Variants in GAD2 observed in about 807,000 individuals in gnomAD.
GAD2 encodes glutamate decarboxylase 2.
A neutral mutation model predicts 80.1 loss-of-function variants in GAD2; 22 were observed. That is an observed-to-expected ratio of 0.27 (90% CI 0.20 to 0.39). GAD2 has a LOEUF of 0.39. Ranked by LOEUF, GAD2 falls within the 10% of genes least tolerant of loss-of-function variation. The pLI is 1.00. For missense variants in GAD2, 624 were observed against 738.4 expected (o/e 0.85, Z 1.80); for synonymous variants, 274 against 256.9 (o/e 1.07, Z -0.64).
rs1424053881 is a variant in GAD2, at chr10:26,217,513, C to T, written c.77-97C>T. On this transcript the variant is annotated intron_variant, in intron 1 of 15. Coordinates refer to ENST00000376261, the MANE Select transcript of GAD2 (RefSeq NM_001134366.2). The surrounding 1 kb of genome is among the most constrained non-coding windows in gnomAD (Gnocchi z 4.9). ...AGGAGGAAGGCGGCCCCTCCTAGGA[C>T]CCCGGACTGATTGATTTTCACATAG... 7.5e-7 allele frequency: 1 copy of T among 1,331,356 alleles called. No homozygotes were observed. The highest frequency in any genetic ancestry group is 1.5e-5 in the African/African-American group (1 of 68,682). 82.5% of individuals were successfully genotyped at this position (1,331,356 alleles called of 1,614,324 possible).
intron 7 of GAD2, among the ~76,000 whole-genome samples, chr10:26,237,165 T>A (rs1448939924): frequency 6.6e-6 from 1 of 152,186 alleles, no homozygotes; most frequent in East Asian, 1.9e-4. Context: ...CAAGTGTCCC[T>A]TGTTCTGGGG....
intron 10 of GAD2, among the ~76,000 whole-genome samples, chr10:26,271,112 C>T (rs1845132516): frequency 6.6e-6 from 1 of 152,140 alleles, no homozygotes; most frequent in African/African-American, 2.4e-5. Context: ...CCAGAATGGT[C>T]AGAAGAGTAA....
rs570885137 is a variant in GAD2 at position 26,302,183 on chromosome 10, A to G, written c.*1222A>G. 18 of 151,970 alleles carry G rather than the reference A, an allele frequency of 1.2e-4. No individual in the cohort carries two copies. The highest frequency in any genetic ancestry group is 4.3e-4 in the African/African-American group (18 of 41,450). 9.4% of individuals were successfully genotyped at this position (151,970 alleles called of 1,614,324 possible). On this transcript the variant is annotated 3_prime_UTR_variant, in exon 16 of 16. Coordinates refer to ENST00000376261, the MANE Select transcript of GAD2 (RefSeq NM_001134366.2). ...AGTTGCGCATTTCCATCCCCTCCCC[A>G]TTCCTCCCCACAAAGTCTCTCCCAC...
chr10:26,300,709 C>T lies in GAD2; in HGVS notation c.1585-79C>T, dbSNP rs928198. On this transcript the variant is annotated intron_variant, in intron 15 of 15. Transcript: ENST00000376261. ...TGACTGTTGAGCTAAAAACTAAAGA[C>T]GCTGCTTGCTGTTGGGTTCTTTGAC... The T allele has an allele frequency of 3.1e-3, 4,062 of 1,314,972 alleles. 85 individuals are homozygous for T. In the African/African-American group the frequency reaches 0.047, roughly 15 times the overall value. The allele number at this position is 1,314,972 out of a possible 1,614,324, so 81.5% of individuals were successfully genotyped here. A position where few individuals can be genotyped will look rare whatever the true frequency, so the allele number is the denominator to read the frequency against.
intron 6 of GAD2, among the ~76,000 whole-genome samples, chr10:26,225,895 T>A (rs554131498): frequency 4.5e-4 from 69 of 152,172 alleles, no homozygotes; most frequent in Non-Finnish European, 7.2e-4. Context: ...TAGTTTTCCT[T>A]TGGAAAGCCA....
In GAD2 at chr10:26,235,787, C is replaced by T. The variant is rs140721678; in HGVS notation, c.840+6010C>T. ...TTAGAGGGAAGCTAAGATCCCAGCT[C>T]AATAATTCACATCTCAAGCTCTGAA... On this transcript the variant is annotated intron_variant, in intron 7 of 15. Transcript: ENST00000376261. Among the ~76,000 whole-genome samples the T allele has an allele frequency of 1.7e-4, 26 of 152,304 alleles. 1 individual carries two copies. The highest frequency in any genetic ancestry group is 6.0e-4 in the African/African-American group (25 of 41,572).
intron 6 of GAD2, among the ~76,000 whole-genome samples, chr10:26,228,319 T>C (rs1009846032): frequency 6.6e-6 from 1 of 152,260 alleles, no homozygotes; most frequent in African/African-American, 2.4e-5. Flanking sequence ...GTGGAATCCC[T>C]GACAACTTTT....
At chr10:26,219,771 A>G (rs1246315079) in intron 4 of GAD2, among the ~76,000 whole-genome samples, 3 of 152,220 alleles carry the variant, frequency 2.0e-5, no homozygotes, top group African/African-American at 4.8e-5. Flanking sequence ...ATTGTGTCAA[A>G]TGGCCAACCT....
chr10:26,242,395 C>T (rs1420235915), intron 7 of GAD2, among the ~76,000 whole-genome samples: 2 of 152,154 alleles, frequency 1.3e-5, no homozygotes, highest in Non-Finnish European at 2.9e-5. Flanking sequence ...CACTCTTTTC[C>T]TCTGGTTCAT....
intron 7 of GAD2, among the ~76,000 whole-genome samples, chr10:26,241,476 T>C (rs6482541): frequency 0.071 from 10,834 of 152,056 alleles, 1,267 homozygotes; most frequent in African/African-American, 0.24. Context: ...GCCTATCCCC[T>C]GATCCCAGGC....
At chr10:26,216,462 T>C, upstream of GAD2, 1 of 182,552 alleles carries the variant, frequency 5.5e-6, no homozygotes, top group Non-Finnish European at 1.1e-5. This position sits in a 1 kb window ranked among gnomAD's most constrained non-coding sequence, Gnocchi z 4.7. Flanking sequence ...CGCCGCCCCC[T>C]CATTCATCCC....
intron 8 of GAD2, among the ~76,000 whole-genome samples, chr10:26,252,951 C>T (rs957921427): frequency 7.2e-5 from 11 of 152,160 alleles, no homozygotes; most frequent in African/African-American, 2.7e-4. Context: ...AGCCACCATG[C>T]CTGGCCAACC....
intron 8 of GAD2, among the ~76,000 whole-genome samples, chr10:26,268,802 C>T (rs1293970847): frequency 6.6e-6 from 1 of 152,194 alleles, no homozygotes; most frequent in Non-Finnish European, 1.5e-5. Context: ...AAACATTTTG[C>T]TCCAAATCAG....
At chr10:26,242,741 C>T (rs7074934) in intron 7 of GAD2, among the ~76,000 whole-genome samples, 4,610 of 152,224 alleles carry the variant, frequency 0.03, 260 homozygotes, top group African/African-American at 0.1. Flanking sequence ...CATTTGGTAC[C>T]GTGATCAATT....
chr10:26,270,524 G>C, intron 9 of GAD2, 116 bp from the exon 10 acceptor site: 2 of 777,446 alleles, frequency 2.6e-6, no homozygotes, highest in South Asian at 3.1e-5. Flanking sequence ...CTCTGCTGCT[G>C]CTTCCTCAAA....
chr10:26,300,307 GA>G (rs1834315060), intron 15 of GAD2, among the ~76,000 whole-genome samples: 1 of 152,098 alleles, frequency 6.6e-6, no homozygotes, highest in African/African-American at 2.4e-5. Context: ...AAGAGAGAAC[GA>G]AAAGAAACTA....
At chr10:26,298,985 A>G (rs1014277564) in intron 15 of GAD2, among the ~76,000 whole-genome samples, 1 of 152,244 alleles carries the variant, frequency 6.6e-6, no homozygotes, top group African/African-American at 2.4e-5. Flanking sequence ...AGGTGAAAGA[A>G]GGATCAGGCC....
intron 10 of GAD2, among the ~76,000 whole-genome samples, chr10:26,271,353 T>C (rs370003022): frequency 1.3e-5 from 2 of 152,098 alleles, no homozygotes; most frequent in Admixed American, 1.3e-4. Flanking sequence ...AATGAAGGTG[T>C]TCCCTCCAGA....
At chr10:26,279,762 A>T (rs772566239) in intron 11 of GAD2, among the ~76,000 whole-genome samples, 1 of 152,186 alleles carries the variant, frequency 6.6e-6, no homozygotes, top group Admixed American at 6.6e-5. Context: ...GAGAGCATCA[A>T]ATTTCCCCAA....
Sources: gnomAD v4.1 joint callset for allele counts (sites outside exome capture counted in the v4.1 genomes callset) on GRCh38, gnomAD v4.1.1 for gene constraint, Gnocchi (gnomAD v3.1) non-coding constraint, MANE v1.5 for transcripts, NCBI Gene and HGNC (gene_info 2026-07-23, HGNC 2026-07-21) for gene names.